FABP7: variants seen among roughly 807,000 people sequenced by gnomAD.
The protein encoded by FABP7 is fatty acid-binding protein, brain.
In FABP7, 13 loss-of-function variants were observed where a neutral mutation model predicts 14.2. That is an observed-to-expected ratio of 0.91 (90% CI 0.59 to 1.45). The LOEUF (loss-of-function observed/expected upper bound fraction) is 1.45. FABP7 is among the 40% of genes most tolerant of loss of function. FABP7 has a pLI of 0.00. For synonymous variants in FABP7, 49 were observed against 51.4 expected (o/e 0.95, Z 0.20); for missense variants, 149 against 157.6 (o/e 0.95, Z 0.29).
upstream of FABP7, among the ~76,000 whole-genome samples, chr6:122,777,947 C>T (rs1327787212): frequency 6.6e-6 from 1 of 152,124 alleles, no homozygotes; most frequent in Non-Finnish European, 1.5e-5. Context: ...TAAAGAATCT[C>T]TGAATTCATC....
chr6:122,771,952 G>A, the FABP7 span, among the ~76,000 whole-genome samples: 7 of 152,342 alleles, frequency 4.6e-5, no homozygotes, highest in Middle Eastern at 3.4e-3. Flanking sequence ...GACGATGGTC[G>A]TAGAGCACAA....
chr6:122,781,798 G>GGGGT lies in FABP7; in HGVS notation c.348+606_348+609dup, dbSNP rs1450618444. On this transcript the variant is annotated intron_variant, in intron 3 of 3. Coordinates refer to ENST00000368444, the MANE Select transcript of FABP7 (RefSeq NM_001446.5). Reference sequence around the variant, plus strand: ...CTGTGTCACCCAGACTGGAGTGCAGGGGGTGCATTCTTGGCTCACTGCAAC... The same window carrying GGGGT: ...CTGTGTCACCCAGACTGGAGTGCAGGGGGTGGGTGCATTCTTGGCTCACTGCAAC... 5 of 741,310 alleles carry GGGGT rather than the reference G, an allele frequency of 6.7e-6. No individual in the cohort carries two copies. In the East Asian group the frequency reaches 6.6e-4, roughly 98 times the overall value. The allele number at this position is 741,310 out of a possible 1,614,324, so 45.9% of individuals were successfully genotyped here.
intron 2 of FABP7, among the ~76,000 whole-genome samples, chr6:122,780,877 A>G (rs1213044840): frequency 6.6e-6 from 1 of 152,226 alleles, no homozygotes. Context: ...TGTTTTTAAT[A>G]TATTAAATTT....
At chr6:122,771,777 T>A in the FABP7 span, among the ~76,000 whole-genome samples, 13 of 152,326 alleles carry the variant, frequency 8.5e-5, 1 homozygote, top group East Asian at 1.7e-3. Context: ...GGATCATATA[T>A]GTTGCAAAGA....
chr6:122,756,222 C>T, the FABP7 span, among the ~76,000 whole-genome samples: 5 of 152,158 alleles, frequency 3.3e-5, no homozygotes, highest in East Asian at 9.7e-4. Context: ...AGAACCACCG[C>T]CTTTGGCTCA....
the FABP7 span, among the ~76,000 whole-genome samples, chr6:122,767,203 G>A: frequency 2.2e-4 from 33 of 152,094 alleles, no homozygotes; most frequent in Non-Finnish European, 3.5e-4. Context: ...AAATAGATAT[G>A]ATTCCAATGT....
intron 3 of FABP7, chr6:122,783,462 A>C: frequency 1.0e-6 from 1 of 985,466 alleles, no homozygotes. Flanking sequence ...TTACCCTGAT[A>C]ATTTAAGGCT....
the FABP7 span, among the ~76,000 whole-genome samples, chr6:122,771,680 G>C: frequency 4.6e-5 from 7 of 152,026 alleles, no homozygotes; most frequent in African/African-American, 1.4e-4. Context: ...TCATTTTAAA[G>C]AAAAAACCTA....
chr6:122,765,306 G>C, the FABP7 span, among the ~76,000 whole-genome samples: 1 of 152,012 alleles, frequency 6.6e-6, no homozygotes, highest in African/African-American at 2.4e-5. Flanking sequence ...GCTAGAATGA[G>C]AAAGTTTAGG....
chr6:122,773,893 AAC>A, the FABP7 span, among the ~76,000 whole-genome samples: 113 of 152,212 alleles, frequency 7.4e-4, 1 homozygote, highest in South Asian at 9.7e-3. Flanking sequence ...TTTTAAAAAA[AAC>A]AAACAAACAG....
chr6:122,766,323 A>G, the FABP7 span, among the ~76,000 whole-genome samples: 1 of 152,180 alleles, frequency 6.6e-6, no homozygotes, highest in East Asian at 1.9e-4. Context: ...AATATGCTAC[A>G]TTCAGTCCTT....
chr6:122,771,855 C>T, the FABP7 span, among the ~76,000 whole-genome samples: 5 of 152,076 alleles, frequency 3.3e-5, no homozygotes, highest in African/African-American at 1.2e-4. Context: ...TATTTTTTGA[C>T]CCTTTCTGGT....
In FABP7 at chr6:122,783,462, A is replaced by G. The variant is rs1323315626; in HGVS notation, c.349-255A>G. 33 of 985,466 alleles carry G rather than the reference A, an allele frequency of 3.3e-5. No individual in the cohort carries two copies. In the East Asian group the frequency reaches 2.4e-3, roughly 71 times the overall value. 61.0% of individuals were successfully genotyped at this position (985,466 alleles called of 1,614,324 possible). ...ACCTGATCTGCTCAATTACCCTGAT[A>G]ATTTAAGGCTAAAGAAATTCTTTTG... On this transcript the variant is annotated intron_variant, in intron 3 of 3. Transcript: ENST00000368444.
chr6:122,753,070 A>T, the FABP7 span, among the ~76,000 whole-genome samples: 1 of 152,348 alleles, frequency 6.6e-6, no homozygotes. Context: ...TCTGAAAAAA[A>T]TTCTGTCTGC....
intron 3 of FABP7, chr6:122,781,690 A>T (rs1780789343): frequency 1.0e-6 from 1 of 990,776 alleles, no homozygotes; most frequent in Non-Finnish European, 1.2e-6. Context: ...ATAACAGAAA[A>T]GTATAACAAA....
At chr6:122,771,169 C>A in the FABP7 span, among the ~76,000 whole-genome samples, 874 of 152,264 alleles carry the variant, frequency 5.7e-3, 7 homozygotes, top group African/African-American at 0.02. Flanking sequence ...TTCCCAGCTT[C>A]CCAATTATGT....
At chr6:122,761,282 A>G in the FABP7 span, among the ~76,000 whole-genome samples, 1 of 152,184 alleles carries the variant, frequency 6.6e-6, no homozygotes, top group African/African-American at 2.4e-5. Flanking sequence ...GCCAAATACT[A>G]TAGAAATACC....
chr6:122,751,346 A>C, the FABP7 span, among the ~76,000 whole-genome samples: 1 of 152,206 alleles, frequency 6.6e-6, no homozygotes, highest in African/African-American at 2.4e-5. Context: ...TTCTATTCTT[A>C]CTGCCTCATC....
chr6:122,775,419 G>C (rs1268333346), upstream of FABP7, among the ~76,000 whole-genome samples: 2 of 152,060 alleles, frequency 1.3e-5, no homozygotes, highest in Admixed American at 6.6e-5. Flanking sequence ...GGAAAGGACG[G>C]TCACTTCAAC....
Sources: gnomAD v4.1 joint callset for allele counts (sites outside exome capture counted in the v4.1 genomes callset) on GRCh38, gnomAD v4.1.1 for gene constraint, MANE v1.5 for transcripts, NCBI Gene and HGNC (gene_info 2026-07-23, HGNC 2026-07-21) for gene names.